MAPKAP1: variants seen among roughly 807,000 people sequenced by gnomAD.
The protein encoded by MAPKAP1 is target of rapamycin complex 2 subunit MAPKAP1.
Under a neutral mutation model 65.7 loss-of-function variants are expected in MAPKAP1, and 20 were observed. That is an observed-to-expected ratio of 0.30 (90% CI 0.21 to 0.44). The LOEUF (loss-of-function observed/expected upper bound fraction) is 0.44. Among genes scored for constraint, MAPKAP1 ranks in the 20% least tolerant of loss-of-function variants. MAPKAP1 has a pLI of 1.00. For missense variants in MAPKAP1, 423 were observed against 648.0 expected (o/e 0.65, Z 3.77); for synonymous variants, 222 against 244.3 (o/e 0.91, Z 0.85).
chr9:125,694,098 G>A (rs1293796303), intron 1 of MAPKAP1, among the ~76,000 whole-genome samples: 1 of 152,016 alleles, frequency 6.6e-6, no homozygotes, highest in East Asian at 1.9e-4. Context: ...GGAGGCCGAG[G>A]CAGGTAGATC....
intron 7 of MAPKAP1, among the ~76,000 whole-genome samples, chr9:125,518,401 T>C (rs1829526056): frequency 6.6e-6 from 1 of 152,116 alleles, no homozygotes; most frequent in Non-Finnish European, 1.5e-5. Context: ...ATTACATCTG[T>C]AATCCCACAT....
At chr9:125,641,272 TG>T (rs1481531621) in intron 4 of MAPKAP1, among the ~76,000 whole-genome samples, 1 of 152,232 alleles carries the variant, frequency 6.6e-6, no homozygotes, top group African/African-American at 2.4e-5. Flanking sequence ...TCTGAATCTA[TG>T]ATTAATAAAA....
At chr9:125,698,271 A>AT (rs1835450613) in intron 1 of MAPKAP1, among the ~76,000 whole-genome samples, 6 of 89,590 alleles carry the variant, frequency 6.7e-5, no homozygotes, top group African/African-American at 3.5e-4. Context: ...AAATATATAT[A>AT]ATACATAATA....
At chr9:125,603,176 T>C (rs1832351933) in intron 4 of MAPKAP1, among the ~76,000 whole-genome samples, 1 of 152,112 alleles carries the variant, frequency 6.6e-6, no homozygotes, top group Non-Finnish European at 1.5e-5. Flanking sequence ...TCCAACATGT[T>C]AGGATTACAG....
chr9:125,623,307 T>G (rs1832969589), intron 4 of MAPKAP1, among the ~76,000 whole-genome samples: 1 of 79,646 alleles, frequency 1.3e-5, no homozygotes. Flanking sequence ...GTCTGGAAAG[T>G]GAGGAGCGTC....
intron 6 of MAPKAP1, among the ~76,000 whole-genome samples, chr9:125,544,615 C>T (rs1830367674): frequency 6.6e-6 from 1 of 152,172 alleles, no homozygotes; most frequent in Admixed American, 6.5e-5. Context: ...TGGAACAAAA[C>T]AGACCAATTC....
At position 125,521,283 on chromosome 9, in the gene MAPKAP1, T is replaced by TA. The variant is rs373499440; in HGVS notation, c.959-14867dup. Among the ~76,000 whole-genome samples the TA allele has an allele frequency of 1.6e-3, 197 of 123,610 alleles. 1 individual carries two copies. Among genetic ancestry groups the TA allele is most frequent in the African/African-American group, 6.7e-3 (190 of 28,342 alleles). The allele number at this position is 123,610 out of a possible 152,430, so 81.1% of individuals were successfully genotyped here. A position where few individuals can be genotyped will look rare whatever the true frequency, so the allele number is the denominator to read the frequency against. ...GAGAAAGGAGGTCCCCTACTATTTG[T>TA]AAAAAAGGAAATTTTTTTTTCTCCT... On this transcript the variant is annotated intron_variant, in intron 7 of 11. Transcript: ENST00000265960.
intron 4 of MAPKAP1, among the ~76,000 whole-genome samples, chr9:125,600,342 T>C (rs1832265460): frequency 6.6e-6 from 1 of 152,224 alleles, no homozygotes; most frequent in African/African-American, 2.4e-5. Flanking sequence ...GCTAGACTTC[T>C]GTTTGCTGAG....
intron 10 of MAPKAP1, among the ~76,000 whole-genome samples, chr9:125,458,217 C>CT (rs35230535): frequency 7.7e-4 from 103 of 133,768 alleles, no homozygotes; most frequent in Admixed American, 2.7e-3. Context: ...CATATGGAGT[C>CT]TTTTTTTTTT....
intron 9 of MAPKAP1, among the ~76,000 whole-genome samples, chr9:125,473,655 G>C (rs1235654020): frequency 6.6e-6 from 1 of 152,180 alleles, no homozygotes; most frequent in Non-Finnish European, 1.5e-5. Flanking sequence ...TCCATAAAAG[G>C]AAATTAGCAC....
At chr9:125,598,184 C>T (rs1045328939) in intron 4 of MAPKAP1, among the ~76,000 whole-genome samples, 2 of 151,748 alleles carry the variant, frequency 1.3e-5, no homozygotes, top group Non-Finnish European at 2.9e-5. Context: ...AATGGTAATA[C>T]TGAATTTATA....
At chr9:125,534,182 A>G (rs1321733730) in intron 7 of MAPKAP1, among the ~76,000 whole-genome samples, 3 of 152,202 alleles carry the variant, frequency 2.0e-5, no homozygotes, top group East Asian at 3.8e-4. Context: ...ACAAAAACAA[A>G]AAACAGGAAT....
rs377716459 is a variant in MAPKAP1 at position 125,632,237 on chromosome 9, A to AAAAAAAG, written c.498+25413_498+25414insCTTTTTT. 7.9e-5 allele frequency among the ~76,000 whole-genome samples: 12 copies of AAAAAAAG among 150,976 alleles called. No individual in the cohort carries two copies. The East Asian group carries it at 1.2e-3, about 15-fold the overall frequency. On this transcript the variant is annotated intron_variant, in intron 4 of 11. Transcript: ENST00000265960. ...ACTCCGTCTCAAAGAAAAAAAAAAA[A>AAAAAAAG]GAAGAAACTCACCATACTAAACTTT...
chr9:125,458,390 T>A (rs866655000), intron 10 of MAPKAP1, among the ~76,000 whole-genome samples: 2 of 151,964 alleles, frequency 1.3e-5, no homozygotes, highest in Non-Finnish European at 2.9e-5. Flanking sequence ...TGTCCCTGGG[T>A]ACTTGAGATT....
rs60166871 is a variant in MAPKAP1, at chr9:125,618,341, CAAAAAAAAAA to C, written c.499-32624_499-32615del. Among the ~76,000 whole-genome samples, 28 of 31,214 alleles carry C rather than the reference CAAAAAAAAAA, an allele frequency of 9.0e-4. No homozygotes were observed. The East Asian group carries it at 0.012, about 14-fold the overall frequency. The allele number at this position is 31,214 out of a possible 152,430, so 20.5% of individuals were successfully genotyped here. On this transcript the variant is annotated intron_variant, in intron 4 of 11. Coordinates refer to ENST00000265960, the MANE Select transcript of MAPKAP1 (RefSeq NM_001006617.3). ...TGGGTGACAGAGTGAGGCTCCGTCT[CAAAAAAAAAA>C]AAAAAAAAAAAAAAAAAAAAGGCAA...
At chr9:125,623,122 C>A (rs1450849619) in intron 4 of MAPKAP1, among the ~76,000 whole-genome samples, 1 of 147,506 alleles carries the variant, frequency 6.8e-6, no homozygotes, top group Non-Finnish European at 1.5e-5. Context: ...GGCTGGAGTG[C>A]AGTGGCATGA....
At position 125,532,346 on chromosome 9, in the gene MAPKAP1, A is replaced by G. The variant is rs540968247; in HGVS notation, c.958+10713T>C. Among the ~76,000 whole-genome samples, 5 of 152,318 alleles carry G rather than the reference A, an allele frequency of 3.3e-5. No individual in the cohort carries two copies. The East Asian group carries it at 9.6e-4, about 29-fold the overall frequency. ...TATTCAGTAGATGTAATCAAAATGG[A>G]ATCATTACCTTGGTACTTTCTACCT... On this transcript the variant is annotated intron_variant, in intron 7 of 11. Coordinates refer to ENST00000265960, the MANE Select transcript of MAPKAP1 (RefSeq NM_001006617.3).
chr9:125,666,671 C>G (rs1834348684), intron 3 of MAPKAP1, among the ~76,000 whole-genome samples: 1 of 152,012 alleles, frequency 6.6e-6, no homozygotes, highest in South Asian at 2.1e-4. Flanking sequence ...CCAAAACTCT[C>G]AATAAAGATC....
At chr9:125,612,905 G>T (rs981602168) in intron 4 of MAPKAP1, among the ~76,000 whole-genome samples, 2 of 152,154 alleles carry the variant, frequency 1.3e-5, no homozygotes, top group Admixed American at 6.5e-5. Flanking sequence ...ATCCATTGGG[G>T]TATCTTATTA....
Sources: allele counts gnomAD v4.1 joint callset (sites outside exome capture counted in the v4.1 genomes callset), GRCh38; gene constraint gnomAD v4.1.1; transcripts MANE v1.5; gene names NCBI Gene and HGNC (gene_info 2026-07-23, HGNC 2026-07-21).